PLEKHA5: variants seen among roughly 807,000 people sequenced by gnomAD.
PLEKHA5 encodes pleckstrin homology domain-containing family A member 5.
In PLEKHA5, 55 loss-of-function variants were observed where a neutral mutation model predicts 181.9. The observed-to-expected ratio is 0.30, with a 90% CI of 0.24 to 0.38. PLEKHA5 has a LOEUF of 0.38. Among genes scored for constraint, PLEKHA5 ranks in the 10% least tolerant of loss-of-function variants. The pLI, the probability that PLEKHA5 is intolerant of heterozygous loss-of-function variation, is 1.00. For missense variants in PLEKHA5, 1,432 were observed against 1,549.5 expected (o/e 0.92, Z 1.27); for synonymous variants, 535 against 529.4 (o/e 1.01, Z -0.15).
chr12:19,147,336 A>C (rs1301187983), intron 3 of PLEKHA5: 1 of 152,230 alleles, frequency 6.6e-6, no homozygotes, highest in African/African-American at 2.4e-5. Context: ...AGACAGTGGT[A>C]CTAAGGAGAG....
chr12:19,342,080 A>G (rs2093980274), intron 21 of PLEKHA5, among the ~76,000 whole-genome samples: 1 of 152,174 alleles, frequency 6.6e-6, no homozygotes, highest in African/African-American at 2.4e-5. Context: ...ATATTGATGC[A>G]ATACTGATTA....
intron 15 of PLEKHA5, chr12:19,303,694 G>A (rs2082248845): frequency 6.6e-6 from 1 of 152,114 alleles, no homozygotes; most frequent in South Asian, 2.1e-4. Context: ...AGCAGGTCAA[G>A]ACTTCTGTGC....
chr12:19,358,976 T>C (rs749393254), intron 27 of PLEKHA5, among the ~76,000 whole-genome samples: 1 of 152,214 alleles, frequency 6.6e-6, no homozygotes, highest in African/African-American at 2.4e-5. Context: ...GACAGCAGCC[T>C]AGCCAACCTG....
rs925274825 is a variant in PLEKHA5 at position 19,339,690 on chromosome 12, CA to C, written c.2550+3083del. Among the ~76,000 whole-genome samples, 27 of 148,134 alleles carry C rather than the reference CA, an allele frequency of 1.8e-4. No individual in the cohort carries two copies. In the South Asian group the frequency reaches 4.9e-3, roughly 27 times the overall value. ...AAAACCACAAGTAGTTAAGACATTTCAAAAAAAAATAAAAGAATGAGAAGTC... is the reference window on the plus strand; with the variant it reads ...AAAACCACAAGTAGTTAAGACATTTCAAAAAAAATAAAAGAATGAGAAGTC... On this transcript the variant is annotated intron_variant, in intron 21 of 31. Coordinates refer to ENST00000429027, the MANE Select transcript of PLEKHA5 (RefSeq NM_001256470.2).
chr12:19,331,485 G>A (rs371653071), intron 20 of PLEKHA5, among the ~76,000 whole-genome samples: 80 of 152,168 alleles, frequency 5.3e-4, no homozygotes, highest in African/African-American at 1.9e-3. Context: ...GATTACAGGC[G>A]TAAGCCACCA....
rs188200433 is a variant in PLEKHA5 at position 19,329,728 on chromosome 12, T to C, written c.2449-6787T>C. ...GCTTATTTGGATCTTCTTTTTTTCT[T>C]TATTATTCTAGCTAACAGTCTGTCA... On this transcript the variant is annotated intron_variant, in intron 20 of 31. Coordinates refer to ENST00000429027, the MANE Select transcript of PLEKHA5 (RefSeq NM_001256470.2). 2.4e-3 allele frequency among the ~76,000 whole-genome samples: 371 copies of C among 152,264 alleles called. 1 individual carries two copies. The highest frequency in any genetic ancestry group is 0.024 in the Middle Eastern group (7 of 294).
chr12:19,267,293 A>G (rs2152684904), intron 8 of PLEKHA5, among the ~76,000 whole-genome samples: 1 of 152,272 alleles, frequency 6.6e-6, no homozygotes, highest in Middle Eastern at 3.4e-3. Context: ...AATTGATTCA[A>G]TTTTAAATTC....
intron 3 of PLEKHA5, among the ~76,000 whole-genome samples, chr12:19,223,739 A>G (rs1232026653): frequency 6.6e-6 from 1 of 152,124 alleles, no homozygotes; most frequent in East Asian, 1.9e-4. Flanking sequence ...TCAGAGATTA[A>G]CTCAAAACAT....
In PLEKHA5 at chr12:19,225,604, C is replaced by T. The variant is rs143475009; in HGVS notation, c.228-28336C>T. On this transcript the variant is annotated intron_variant, in intron 3 of 31. Coordinates refer to ENST00000429027, the MANE Select transcript of PLEKHA5 (RefSeq NM_001256470.2). ...AACAATCTGTTAAACCCATTTTTCTCATGAGAAGCAACAAAAGCATTATAA... is the reference window on the plus strand; with the variant it reads ...AACAATCTGTTAAACCCATTTTTCTTATGAGAAGCAACAAAAGCATTATAA... Among the ~76,000 whole-genome samples, 531 of 152,232 alleles carry T rather than the reference C, an allele frequency of 3.5e-3. 4 individuals carry two copies. The highest frequency in any genetic ancestry group is 0.012 in the African/African-American group (511 of 41,548).
chr12:19,280,735 C>CTT (rs538185835), intron 11 of PLEKHA5, among the ~76,000 whole-genome samples: 4,524 of 143,066 alleles, frequency 0.032, 157 homozygotes, highest in African/African-American at 0.093. Flanking sequence ...TTTTCTTTTT[C>CTT]TTTTTTTTTT....
Position 19,283,461 on chromosome 12 carries a change from A to T in PLEKHA5, c.1495A>T (p.Arg499Trp). ...TLGPGAEEKR[R>W]SMRDDTMWQL... The stretch of plus-strand genomic sequence containing the variant: ...AGGACCCGGAGCGGAGGAGAAACGG[A>T]GGTCCATGAGAGATGACACAATGTG... Residue 499 changes from arginine to tryptophan, a missense_variant, in exon 12 of 32, where the codon AGG becomes TGG. By Grantham distance (101) the Arg-to-Trp change is moderately radical (BLOSUM62 -3). Coordinates refer to ENST00000429027, the MANE Select transcript of PLEKHA5 (RefSeq NM_001256470.2). 6.2e-7 allele frequency: 1 copy of T among 1,614,134 alleles called. No individual in the cohort carries two copies. The highest frequency in any genetic ancestry group is 2.2e-5 in the East Asian group (1 of 44,874).
intron 3 of PLEKHA5, among the ~76,000 whole-genome samples, chr12:19,193,557 T>C (rs184356081): frequency 2.0e-5 from 3 of 152,164 alleles, no homozygotes; most frequent in South Asian, 2.1e-4. Flanking sequence ...ATATATTGCA[T>C]TGTGGTAAAA....
chr12:19,287,207 T>G (rs2077408913), intron 12 of PLEKHA5, among the ~76,000 whole-genome samples: 1 of 152,094 alleles, frequency 6.6e-6, no homozygotes, highest in African/African-American at 2.4e-5. Flanking sequence ...TTTCACCATG[T>G]TGGCTAGGCT....
rs200553875 is a variant in PLEKHA5 at position 19,274,704 on chromosome 12, C to A, written c.1034C>A (p.Thr345Lys). Residue 345 changes from threonine to lysine, a missense_variant, in exon 11 of 32, where the codon ACA (threonine) becomes AAA (lysine). Physicochemically the swap from Thr to Lys is moderately conservative, Grantham distance 78. Around this residue, in one of 2 missense-constraint regions of PLEKHA5, gnomAD observed 1,143 missense variants for 1,168.4 expected, o/e 0.98. Transcript: ENST00000429027. ...FQKDGQDRPL[T>K]KINSVKLNSL... ...AAGGATGGTCAAGATAGACCCTTAA[C>A]AAAAATTAATAGTGTAAAGCTGAAT... 3 of 1,614,032 alleles carry A rather than the reference C, an allele frequency of 1.9e-6. No homozygotes were observed. Among genetic ancestry groups the A allele is most frequent in the Non-Finnish European group, 2.5e-6 (3 of 1,179,934 alleles).
At chr12:19,269,953 C>A in intron 9 of PLEKHA5, 68 bp downstream of exon 9, 1 of 858,026 alleles carries the variant, frequency 1.2e-6, no homozygotes, top group South Asian at 1.4e-5. Flanking sequence ...GCAAGTATTT[C>A]ACTGTCATAG....
At chr12:19,216,445 T>A (rs982937056) in intron 3 of PLEKHA5, among the ~76,000 whole-genome samples, 1 of 151,986 alleles carries the variant, frequency 6.6e-6, no homozygotes, top group South Asian at 2.1e-4. Flanking sequence ...GGCAGATCAT[T>A]TGAGGTCAGG....
At chr12:19,359,987 G>C (rs2095145292) in intron 28 of PLEKHA5, among the ~76,000 whole-genome samples, 1 of 151,228 alleles carries the variant, frequency 6.6e-6, no homozygotes, top group Non-Finnish European at 1.5e-5. Context: ...AAAAGAAAAA[G>C]GAAAAATTAA....
intron 20 of PLEKHA5, among the ~76,000 whole-genome samples, chr12:19,327,192 A>G (rs2092255435): frequency 1.4e-5 from 2 of 147,532 alleles, no homozygotes; most frequent in Admixed American, 1.4e-4. Context: ...TTATATCTCC[A>G]CTCACTGTGT....
At chr12:19,282,453 A>C (rs907753077) in intron 11 of PLEKHA5, among the ~76,000 whole-genome samples, 1 of 152,210 alleles carries the variant, frequency 6.6e-6, no homozygotes, top group African/African-American at 2.4e-5. Flanking sequence ...AAAGGAAGTT[A>C]TTCCTTCAAA....
Sources: allele counts gnomAD v4.1 joint callset (sites outside exome capture counted in the v4.1 genomes callset), GRCh38; gene constraint gnomAD v4.1.1; regional missense constraint gnomAD v4.1.1; transcripts MANE v1.5; gene names NCBI Gene and HGNC (gene_info 2026-07-23, HGNC 2026-07-21).